Variants in CHN1 observed in about 807,000 individuals in gnomAD.
CHN1 encodes chimerin 1, also known as N-chimaerin.
Under a neutral mutation model 59.5 loss-of-function variants are expected in CHN1, and 37 were observed. The observed-to-expected ratio is 0.62, with a 90% CI of 0.48 to 0.82. CHN1 has a LOEUF of 0.82. Ranked by LOEUF, CHN1 falls within the 40% of genes least tolerant of loss-of-function variation. The probability of loss-of-function intolerance (pLI) is 0.00; values close to 1 mark genes in which losing one functional copy is unlikely to be tolerated. For missense variants in CHN1, 469 were observed against 571.0 expected (o/e 0.82, Z 1.82); for synonymous variants, 206 against 200.4 (o/e 1.03, Z -0.24).
chr2:174,892,055 C>T (rs1027663265), intron 5 of CHN1, among the ~76,000 whole-genome samples: 2 of 152,046 alleles, frequency 1.3e-5, no homozygotes, highest in African/African-American at 4.8e-5. Context: ...TATAAAGAAA[C>T]AGAAAATCTG....
chr2:174,907,231 G>A (rs1688567902), intron 5 of CHN1, among the ~76,000 whole-genome samples: 2 of 152,072 alleles, frequency 1.3e-5, no homozygotes, highest in South Asian at 2.1e-4. Flanking sequence ...CCATGAAAAG[G>A]GGGTCTCATG....
intron 7 of CHN1, among the ~76,000 whole-genome samples, chr2:174,830,878 C>T (rs948547627): frequency 1.3e-5 from 2 of 152,204 alleles, no homozygotes; most frequent in Admixed American, 6.5e-5. Flanking sequence ...AACACGGAAG[C>T]ACCGCTTCAA....
intron 11 of CHN1, among the ~76,000 whole-genome samples, chr2:174,803,792 G>A (rs959808472): frequency 2.0e-5 from 3 of 152,064 alleles, no homozygotes; most frequent in East Asian, 1.9e-4. Flanking sequence ...GGGCTCAAGC[G>A]ATCCTCCTGC....
intron 7 of CHN1, among the ~76,000 whole-genome samples, chr2:174,842,096 A>G (rs760478543): frequency 4.6e-5 from 7 of 152,242 alleles, no homozygotes; most frequent in East Asian, 3.8e-4. Context: ...TCATGAGAAG[A>G]GGTTTTCAAG....
At chr2:174,839,258 CTT>C (rs1204651627) in intron 7 of CHN1, among the ~76,000 whole-genome samples, 3 of 151,996 alleles carry the variant, frequency 2.0e-5, no homozygotes, top group Non-Finnish European at 2.9e-5. Flanking sequence ...TAAGAGGTGA[CTT>C]TTAAAAATTG....
intron 6 of CHN1, among the ~76,000 whole-genome samples, chr2:174,848,945 CATG>C (rs543586724): frequency 3.9e-5 from 6 of 152,100 alleles, no homozygotes; most frequent in African/African-American, 1.4e-4. Flanking sequence ...TATTTTGTCA[CATG>C]ATGACTAAAA....
At chr2:174,951,603 C>G (rs1384340599) in intron 2 of CHN1, among the ~76,000 whole-genome samples, 1 of 151,980 alleles carries the variant, frequency 6.6e-6, no homozygotes. Context: ...ATAATATTCT[C>G]TAGAAAACAA....
chr2:174,801,634 T>C, intron 12 of CHN1, 73 bp downstream of exon 12: 2 of 1,056,668 alleles, frequency 1.9e-6, no homozygotes, highest in Non-Finnish European at 2.9e-6. Flanking sequence ...TGTCCTTTCT[T>C]TCACCCTTCA....
intron 1 of CHN1, among the ~76,000 whole-genome samples, chr2:174,996,069 C>T (rs1218805264): frequency 6.6e-6 from 1 of 152,130 alleles, no homozygotes. Context: ...TCTGTACTAT[C>T]CAGTTTCAGG....
intron 3 of CHN1, among the ~76,000 whole-genome samples, chr2:174,927,933 G>C (rs886472078): frequency 6.6e-6 from 1 of 152,052 alleles, no homozygotes; most frequent in Non-Finnish European, 1.5e-5. Context: ...TCAGGTAACA[G>C]TCTAGAGAAT....
chr2:174,851,319 GC>G (rs993426619), intron 6 of CHN1, among the ~76,000 whole-genome samples: 3 of 151,908 alleles, frequency 2.0e-5, no homozygotes, highest in African/African-American at 7.3e-5. Flanking sequence ...TCACTCTATT[GC>G]CCAGACTGGA....
intron 1 of CHN1, among the ~76,000 whole-genome samples, chr2:175,002,207 G>A (rs1016966442): frequency 2.0e-5 from 3 of 152,218 alleles, no homozygotes; most frequent in Non-Finnish European, 4.4e-5. Flanking sequence ...AGCTGATAAT[G>A]AGATGTGAGT....
At chr2:174,937,258 G>A (rs1239418018) in intron 3 of CHN1, among the ~76,000 whole-genome samples, 1 of 152,096 alleles carries the variant, frequency 6.6e-6, no homozygotes, top group Non-Finnish European at 1.5e-5. Context: ...CAAAAGAAAG[G>A]TCACACACAC....
intron 5 of CHN1, among the ~76,000 whole-genome samples, chr2:174,904,711 T>C (rs1216675047): frequency 1.3e-5 from 2 of 152,210 alleles, no homozygotes; most frequent in African/African-American, 4.8e-5. Context: ...AAACAAGTTA[T>C]ATTTCTCAGT....
chr2:174,805,930 CT>C lies in CHN1; in HGVS notation c.1102+2974del, dbSNP rs1684871875. ...CAAGGTTACACACTGAGACATGTAG[CT>C]TTTTGAAGCTGCTCTGGGAACAGAG... On this transcript the variant is annotated intron_variant, in intron 11 of 12. Transcript: ENST00000409900. 3.3e-5 allele frequency among the ~76,000 whole-genome samples: 5 copies of C among 152,252 alleles called. No homozygotes were observed. The South Asian group carries it at 8.3e-4, about 25-fold the overall frequency.
At chr2:174,821,437 T>A (rs1440041368) in intron 8 of CHN1, among the ~76,000 whole-genome samples, 1 of 152,194 alleles carries the variant, frequency 6.6e-6, no homozygotes, top group Non-Finnish European at 1.5e-5. Flanking sequence ...ATACTAGGCC[T>A]CCCTTGACAA....
In CHN1 at chr2:174,900,428, G is replaced by A. The variant is rs1047828014; in HGVS notation, c.260+14630C>T. ...CTGAGGCAGGAGGATCACTTCAGCT[G>A]AGGAGTTCCAGGCTACAGTGAGCTA... On this transcript the variant is annotated intron_variant, in intron 5 of 12. Coordinates refer to ENST00000409900, the MANE Select transcript of CHN1 (RefSeq NM_001822.7). Among the ~76,000 whole-genome samples the A allele has an allele frequency of 3.3e-5, 5 of 152,116 alleles. No homozygotes were observed. The South Asian group carries it at 6.3e-4, about 19-fold the overall frequency.
At chr2:174,908,777 C>T (rs938965142) in intron 5 of CHN1, among the ~76,000 whole-genome samples, 2 of 151,998 alleles carry the variant, frequency 1.3e-5, no homozygotes, top group African/African-American at 4.8e-5. Flanking sequence ...TTCAATTGTC[C>T]AATTTAACAG....
At position 175,005,079 on chromosome 2, in the gene CHN1, C is replaced by T; in HGVS notation, c.-167G>A. On this transcript the variant is annotated 5_prime_UTR_variant, in exon 1 of 13. Coordinates refer to ENST00000409900, the MANE Select transcript of CHN1 (RefSeq NM_001822.7). ...GGCTGCAGGCCGGGACGCGGGGGAC[C>T]GCTGCAAGAAAAAGTTATTCACGCG... The T allele has an allele frequency of 3.0e-6, 4 of 1,335,194 alleles. No individual in the cohort carries two copies. Among genetic ancestry groups the T allele is most frequent in the Non-Finnish European group, 3.8e-6 (4 of 1,041,388 alleles). 82.7% of individuals were successfully genotyped at this position (1,335,194 alleles called of 1,614,324 possible).
Sources: gnomAD v4.1 joint callset for allele counts (sites outside exome capture counted in the v4.1 genomes callset) on GRCh38, gnomAD v4.1.1 for gene constraint, MANE v1.5 for transcripts, NCBI Gene and HGNC (gene_info 2026-07-23, HGNC 2026-07-21) for gene names.